TRIM37: variants seen among roughly 807,000 people sequenced by gnomAD.
TRIM37 encodes E3 ubiquitin-protein ligase TRIM37.
In TRIM37, 80 loss-of-function variants were observed where a neutral mutation model predicts 129.8. The observed-to-expected ratio is 0.62, with a 90% CI of 0.51 to 0.74. The LOEUF (loss-of-function observed/expected upper bound fraction) is 0.74. TRIM37 is among the 30% of genes least tolerant of loss of function. The pLI is 0.00. For missense variants in TRIM37, 1,054 were observed against 1,176.5 expected, an observed-to-expected ratio of 0.90 and a Z score of 1.52; for synonymous variants, 389 against 387.1, an observed-to-expected ratio of 1.00 and a Z score of -0.06.
downstream of TRIM37, among the ~76,000 whole-genome samples, chr17:58,979,629 C>T (rs1334883276): frequency 6.6e-6 from 1 of 152,170 alleles, no homozygotes; most frequent in Non-Finnish European, 1.5e-5. Context: ...TGTCTTCCTA[C>T]ACAGTGTACT....
intron 22 of TRIM37, among the ~76,000 whole-genome samples, chr17:59,005,708 G>A (rs2034395094): frequency 6.6e-6 from 1 of 152,130 alleles, no homozygotes; most frequent in African/African-American, 2.4e-5. Context: ...GTCACGTTTA[G>A]AACTCAGCAA....
At chr17:59,022,856 T>C (rs2036768252) in intron 19 of TRIM37, among the ~76,000 whole-genome samples, 1 of 151,962 alleles carries the variant, frequency 6.6e-6, no homozygotes, top group Non-Finnish European at 1.5e-5. Flanking sequence ...AAATGGTATA[T>C]TAAAACCAAA....
chr17:59,048,093 C>A (rs558353823), intron 15 of TRIM37, among the ~76,000 whole-genome samples: 1 of 152,096 alleles, frequency 6.6e-6, no homozygotes, highest in African/African-American at 2.4e-5. Context: ...CACAGAGTAA[C>A]GTTTCAAACC....
chr17:59,012,474 C>A (rs1225478606), intron 21 of TRIM37, 28 bp from the exon 22 acceptor site: 2 of 1,388,482 alleles, frequency 1.4e-6, no homozygotes, highest in Non-Finnish European at 2.0e-6. Context: ...CTTGATATTT[C>A]TCTATAACTA....
At chr17:58,997,454 T>C (rs2033122103), downstream of TRIM37, among the ~76,000 whole-genome samples, 1 of 152,150 alleles carries the variant, frequency 6.6e-6, no homozygotes, top group Non-Finnish European at 1.5e-5. Flanking sequence ...AAGAGAATCA[T>C]ACAACCTCCC....
chr17:59,048,168 T>C (rs1177713326), intron 15 of TRIM37, among the ~76,000 whole-genome samples: 1 of 152,146 alleles, frequency 6.6e-6, no homozygotes, highest in Non-Finnish European at 1.5e-5. Context: ...GTCACCTATC[T>C]GCACAGAAAA....
chr17:59,056,961 T>C lies in TRIM37; in HGVS notation c.1113A>G (p.Glu371=), dbSNP rs896783813. The C allele has an allele frequency of 1.2e-6, 2 of 1,613,908 alleles. No homozygotes were observed. The highest frequency in any genetic ancestry group is 1.7e-6 in the Non-Finnish European group (2 of 1,179,922). Residue 371 remains glutamate (E), a synonymous_variant, in exon 13 of 24, where the codon GAA becomes GAG. Transcript: ENST00000262294. Reference sequence around the variant, plus strand: ...GGAAAAATCTATTATAGCCCCAGCATTCTCCAACTTCAAAGTCAGATGCAA... The same window carrying C: ...GGAAAAATCTATTATAGCCCCAGCACTCTCCAACTTCAAAGTCAGATGCAA... ...REFASDFEVG[E]CWGYNRFFRL... is the part of the protein sequence containing the mutation.
At chr17:59,053,975 C>T (rs1189470180) in intron 13 of TRIM37, among the ~76,000 whole-genome samples, 1 of 152,158 alleles carries the variant, frequency 6.6e-6, no homozygotes, top group African/African-American at 2.4e-5. Context: ...TTTTTCCCTA[C>T]ACTGAAAATC....
the TRIM37 span, among the ~76,000 whole-genome samples, chr17:58,970,152 G>C: frequency 2.6e-5 from 4 of 152,324 alleles, no homozygotes; most frequent in South Asian, 8.3e-4. Flanking sequence ...TTCTAAATGG[G>C]TAGGCAGTGT....
intron 16 of TRIM37, among the ~76,000 whole-genome samples, chr17:59,043,477 G>C (rs1473252957): frequency 6.6e-6 from 1 of 152,188 alleles, no homozygotes; most frequent in African/African-American, 2.4e-5. Flanking sequence ...TTCCACTCCA[G>C]ACTGGTGCAG....
At chr17:59,049,130 G>T in intron 15 of TRIM37, 48 bp downstream of exon 15, 1 of 1,462,226 alleles carries the variant, frequency 6.8e-7, no homozygotes. Flanking sequence ...TGATGCTACT[G>T]TTTTTTTTTA....
chr17:59,090,626 A>T (rs1415489629), intron 3 of TRIM37, among the ~76,000 whole-genome samples: 2 of 151,592 alleles, frequency 1.3e-5, no homozygotes, highest in East Asian at 3.9e-4. Context: ...TTTGAGACAG[A>T]CTCTCGCTCT....
chr17:59,059,175 C>G (rs527554121), intron 12 of TRIM37: 2 of 152,162 alleles, frequency 1.3e-5, no homozygotes, highest in South Asian at 4.2e-4. Flanking sequence ...AGTTCAAGAC[C>G]AGCCTGGCCA....
intron 12 of TRIM37, chr17:59,059,240 T>C (rs1480674616): frequency 6.6e-6 from 1 of 152,262 alleles, no homozygotes; most frequent in African/African-American, 2.4e-5. Flanking sequence ...GGCGTGGTGG[T>C]GCATGCCTGT....
At chr17:59,047,040 G>C (rs903098687) in intron 16 of TRIM37, among the ~76,000 whole-genome samples, 2 of 151,796 alleles carry the variant, frequency 1.3e-5, no homozygotes, top group African/African-American at 4.8e-5. Context: ...TGTAGTTCTA[G>C]CTGCTCGGGA....
At chr17:59,072,543 C>T (rs9904621) in intron 8 of TRIM37, among the ~76,000 whole-genome samples, 50,633 of 151,678 alleles carry the variant, frequency 0.33, 8,951 homozygotes, top group Middle Eastern at 0.49. Context: ...CATGACCTGG[C>T]TAGTTCAAGG....
chr17:59,047,554 G>A, intron 16 of TRIM37, 129 bp downstream of exon 16: 2 of 939,230 alleles, frequency 2.1e-6, no homozygotes, highest in African/African-American at 1.6e-5. Context: ...AGATTAGAGA[G>A]AGAAAACTGA....
intron 2 of TRIM37, among the ~76,000 whole-genome samples, chr17:59,100,717 C>G (rs1309585084): frequency 2.0e-5 from 3 of 152,082 alleles, no homozygotes; most frequent in Non-Finnish European, 1.5e-5. Context: ...CACAAGAATA[C>G]ATATATGTCA....
At chr17:59,012,493 A>G in intron 21 of TRIM37, 47 bp from the exon 22 acceptor site, 1 of 1,263,504 alleles carries the variant, frequency 7.9e-7, no homozygotes, top group Non-Finnish European at 1.1e-6. Context: ...TAGTGACACA[A>G]TAATCTATAT....
Sources: allele counts gnomAD v4.1 joint callset (sites outside exome capture counted in the v4.1 genomes callset), GRCh38; gene constraint gnomAD v4.1.1; transcripts MANE v1.5; gene names NCBI Gene and HGNC (gene_info 2026-07-23, HGNC 2026-07-21).